Variants in MRTFB observed in about 807,000 individuals in gnomAD.
MRTFB encodes the protein myocardin related transcription factor B, also known as myocardin-related transcription factor B.
Under a neutral mutation model 104.2 loss-of-function variants are expected in MRTFB, and 29 were observed. The observed-to-expected ratio is 0.28, with a 90% CI of 0.21 to 0.38. MRTFB has a LOEUF of 0.38. Among genes scored for constraint, MRTFB ranks in the 10% least tolerant of loss-of-function variants. The probability of loss-of-function intolerance (pLI) is 1.00; values close to 1 mark genes in which losing one functional copy is unlikely to be tolerated. For missense variants in MRTFB, 1,270 were observed against 1,341.6 expected, an observed-to-expected ratio of 0.95 and a Z score of 0.83; for synonymous variants, 535 against 519.5, an observed-to-expected ratio of 1.03 and a Z score of -0.41.
chr16:14,146,861 T>A (rs9934997), intron 3 of MRTFB, among the ~76,000 whole-genome samples: 13,454 of 151,980 alleles, frequency 0.089, 1,209 homozygotes, highest in African/African-American at 0.23. Flanking sequence ...TGAATGGAGA[T>A]TGGTGAGGGA....
intron 2 of MRTFB, among the ~76,000 whole-genome samples, chr16:14,089,078 A>C (rs2034895599): frequency 6.6e-6 from 1 of 152,216 alleles, no homozygotes; most frequent in Non-Finnish European, 1.5e-5. Context: ...TGTAGCAAGC[A>C]GAGTGATTCA....
At chr16:14,010,564 G>T in the MRTFB span, among the ~76,000 whole-genome samples, 1,475 of 152,230 alleles carry the variant, frequency 9.7e-3, 20 homozygotes, top group African/African-American at 0.034. Flanking sequence ...GCTTCCCACA[G>T]TGCTGGGATT....
chr16:14,260,540 C>T (rs1274421733), intron 16 of MRTFB, among the ~76,000 whole-genome samples: 1 of 151,968 alleles, frequency 6.6e-6, no homozygotes, highest in Non-Finnish European at 1.5e-5. Context: ...AATAACGACT[C>T]AAAGATAAAA....
the MRTFB span, among the ~76,000 whole-genome samples, chr16:14,019,654 T>C: frequency 6.6e-6 from 1 of 152,246 alleles, no homozygotes; most frequent in Non-Finnish European, 1.5e-5. Flanking sequence ...CTTCACGTCC[T>C]ATTTCCAGGT....
At chr16:14,113,912 T>A (rs1298069214) in intron 2 of MRTFB, among the ~76,000 whole-genome samples, 1 of 152,028 alleles carries the variant, frequency 6.6e-6, no homozygotes, top group African/African-American at 2.4e-5. Context: ...GTCTCTTGAA[T>A]TTTTTTTAGA....
At chr16:14,234,481 G>C (rs748936948) in intron 9 of MRTFB, among the ~76,000 whole-genome samples, 198 bp downstream of exon 9, 3 of 152,162 alleles carry the variant, frequency 2.0e-5, no homozygotes, top group Non-Finnish European at 2.9e-5. Context: ...TAGAAAAATG[G>C]CACAAATTTT....
the MRTFB span, among the ~76,000 whole-genome samples, chr16:14,011,943 G>T: frequency 6.6e-6 from 1 of 152,190 alleles, no homozygotes; most frequent in Non-Finnish European, 1.5e-5. Context: ...ACCCACTTGG[G>T]AATTGCCCTT....
In MRTFB at chr16:14,240,923, C is replaced by A. The variant is rs528965620; in HGVS notation, c.1079+439C>A. On this transcript the variant is annotated intron_variant, in intron 10 of 16. Transcript: ENST00000571589. ...TATAGAAGGCTCGAGAAGGGCCTTTCCAGGCACAGGGGAATGCTGTGAGCA... is the reference window on the plus strand; with the variant it reads ...TATAGAAGGCTCGAGAAGGGCCTTTACAGGCACAGGGGAATGCTGTGAGCA... 9.8e-6 allele frequency: 6 copies of A among 609,242 alleles called. No homozygotes were observed. In the East Asian group the frequency reaches 1.6e-4, roughly 17 times the overall value. The allele number at this position is 609,242 out of a possible 1,614,324, so 37.7% of individuals were successfully genotyped here.
chr16:14,003,220 C>A, the MRTFB span, among the ~76,000 whole-genome samples: 1 of 152,278 alleles, frequency 6.6e-6, no homozygotes, highest in African/African-American at 2.4e-5. Flanking sequence ...CTCCGAGAGC[C>A]GCCACAACAA....
At chr16:14,179,700 C>A (rs554952698) in intron 3 of MRTFB, among the ~76,000 whole-genome samples, 1 of 152,152 alleles carries the variant, frequency 6.6e-6, no homozygotes, top group South Asian at 2.1e-4. Flanking sequence ...CTAGACTTAA[C>A]GATAACTAAG....
chr16:14,173,735 G>T (rs1468240653), intron 3 of MRTFB, among the ~76,000 whole-genome samples: 3 of 151,950 alleles, frequency 2.0e-5, no homozygotes, highest in Non-Finnish European at 4.4e-5. Context: ...TCATCACATG[G>T]GTCACTGAGG....
intron 2 of MRTFB, among the ~76,000 whole-genome samples, chr16:14,091,303 A>G (rs969166330): frequency 2.6e-5 from 4 of 152,146 alleles, no homozygotes; most frequent in Non-Finnish European, 5.9e-5. Flanking sequence ...AAACTATCTT[A>G]AGTTAAAAGG....
chr16:14,264,820 G>T lies in MRTFB; in HGVS notation c.*3376G>T, dbSNP rs144132488. On this transcript the variant is annotated 3_prime_UTR_variant, in exon 17 of 17. Coordinates refer to ENST00000571589, the MANE Select transcript of MRTFB (RefSeq NM_001308142.2). ...ATACCCTGAGTGATGGCTCAGGGGC[G>T]CACTACCTATTTTGTCACCAGAGCT... The T allele has an allele frequency of 3.9e-5, 6 of 152,284 alleles. No homozygotes were observed. The highest frequency in any genetic ancestry group is 5.9e-5 in the Non-Finnish European group (4 of 68,040). The allele number at this position is 152,284 out of a possible 1,614,324, so 9.4% of individuals were successfully genotyped here. A position where few individuals can be genotyped will look rare whatever the true frequency, so the allele number is the denominator to read the frequency against.
At chr16:14,237,329 G>A (rs1487142044) in intron 9 of MRTFB, among the ~76,000 whole-genome samples, 2 of 152,178 alleles carry the variant, frequency 1.3e-5, no homozygotes, top group African/African-American at 4.8e-5. Flanking sequence ...CAAGAGTGAG[G>A]CAAGGCAGCC....
chr16:14,186,876 C>G (rs1483610728), intron 3 of MRTFB: 1 of 1,597,732 alleles, frequency 6.3e-7, no homozygotes, highest in Non-Finnish European at 8.5e-7. Flanking sequence ...TTAAGCTTTT[C>G]TCCTGCTTGA....
intron 8 of MRTFB, among the ~76,000 whole-genome samples, chr16:14,225,747 T>G (rs2041974272): frequency 6.6e-6 from 1 of 152,216 alleles, no homozygotes; most frequent in African/African-American, 2.4e-5. Context: ...CAAGCTGGTC[T>G]CGAACTCCTG....
Position 14,246,342 on chromosome 16 carries a change from A to T in MRTFB, c.1213-131A>T, listed in dbSNP as rs1209579176. 10 of 805,846 alleles carry T rather than the reference A, an allele frequency of 1.2e-5. No individual in the cohort carries two copies. In the East Asian group the frequency reaches 2.7e-4, roughly 21 times the overall value. The allele number at this position is 805,846 out of a possible 1,614,324, so 49.9% of individuals were successfully genotyped here. ...TTTCTGTGTGCTTAAATATAAAACC[A>T]GTTCTACTTTCAGGTGTGCCGTAAC... is the stretch of plus-strand genomic sequence containing the variant. On this transcript the variant is annotated intron_variant, in intron 11 of 16. Coordinates refer to ENST00000571589, the MANE Select transcript of MRTFB (RefSeq NM_001308142.2).
intron 3 of MRTFB, among the ~76,000 whole-genome samples, chr16:14,198,973 T>C (rs2040560878): frequency 6.6e-6 from 1 of 152,238 alleles, no homozygotes; most frequent in Non-Finnish European, 1.5e-5. Context: ...TCATCAATTA[T>C]AAACTTGCTC....
intron 3 of MRTFB, chr16:14,152,578 T>G (rs1412853583): frequency 6.6e-6 from 1 of 152,124 alleles, no homozygotes; most frequent in Non-Finnish European, 1.5e-5. Flanking sequence ...AATATAATGC[T>G]AAAAATAAAG....
Sources: gnomAD v4.1 joint callset for allele counts (sites outside exome capture counted in the v4.1 genomes callset) on GRCh38, gnomAD v4.1.1 for gene constraint, MANE v1.5 for transcripts, NCBI Gene and HGNC (gene_info 2026-07-23, HGNC 2026-07-21) for gene names.